The following ZNF385D variants were observed in gnomAD, a reference collection of about 807,000 sequenced individuals.
The protein encoded by ZNF385D is zinc finger protein 659.
In ZNF385D, 15 loss-of-function variants were observed where a neutral mutation model predicts 35.8. The observed-to-expected ratio is 0.42, with a 90% confidence interval of 0.28 to 0.64. ZNF385D has a LOEUF of 0.64. Among genes scored for constraint, ZNF385D ranks in the 30% least tolerant of loss-of-function variants. The pLI, the probability that ZNF385D is intolerant of heterozygous loss-of-function variation, is 0.23. For synonymous variants in ZNF385D, 212 were observed against 186.8 expected (o/e 1.13, Z -1.10); for missense variants, 474 against 494.6 (o/e 0.96, Z 0.39).
intron 2 of ZNF385D, among the ~76,000 whole-genome samples, chr3:22,302,785 G>T (rs1056884481): frequency 1.3e-5 from 2 of 151,822 alleles, no homozygotes; most frequent in Non-Finnish European, 2.9e-5. Flanking sequence ...ACTTTGAAAG[G>T]CCTCACATGT....
rs1163437946 is a variant in ZNF385D at position 21,539,031 on chromosome 3, GTC to G, written c.276+25541_276+25542del. Among the ~76,000 whole-genome samples the G allele has an allele frequency of 6.6e-6, 1 of 152,066 alleles. No individual in the cohort carries two copies. Among genetic ancestry groups the G allele is most frequent in the African/African-American group, 2.4e-5 (1 of 41,418 alleles). ...TTCCTTGTGGTAAACCATTTGACTA[GTC>G]TCTCTGGTCTGAGAAGAGATGAACT... On this transcript the variant is annotated intron_variant, in intron 3 of 7. Transcript: ENST00000281523. This position sits in a 1 kb window ranked among gnomAD's most constrained non-coding sequence, Gnocchi z 4.0.
At chr3:21,780,330 T>C (rs772237747) in intron 3 of ZNF385D, among the ~76,000 whole-genome samples, 2 of 151,944 alleles carry the variant, frequency 1.3e-5, no homozygotes, top group African/African-American at 2.4e-5. Context: ...ATGTAGGGCA[T>C]ACTATCATTG....
intron 1 of ZNF385D, among the ~76,000 whole-genome samples, chr3:21,679,962 T>C (rs9878770): frequency 0.015 from 2,226 of 152,170 alleles, 59 homozygotes; most frequent in African/African-American, 0.05. Flanking sequence ...GACAAAATAT[T>C]GTATGAGAGA....
intron 3 of ZNF385D, among the ~76,000 whole-genome samples, chr3:22,113,787 C>G (rs750609186): frequency 1.3e-5 from 2 of 152,018 alleles, no homozygotes; most frequent in Non-Finnish European, 2.9e-5. Context: ...GATAAAGTCT[C>G]TTCTGCTAAA....
chr3:22,118,214 G>A (rs1398160257), intron 3 of ZNF385D, among the ~76,000 whole-genome samples: 1 of 151,988 alleles, frequency 6.6e-6, no homozygotes, highest in Non-Finnish European at 1.5e-5. Flanking sequence ...AAATCCCATT[G>A]TTCTAAAGTA....
chr3:21,978,491 G>A (rs1204144557), intron 3 of ZNF385D, among the ~76,000 whole-genome samples: 1 of 152,192 alleles, frequency 6.6e-6, no homozygotes, highest in Non-Finnish European at 1.5e-5. Flanking sequence ...ATTAGGATGT[G>A]GGTGTTCTGG....
At chr3:21,888,236 TATAAA>T (rs1363052680) in intron 3 of ZNF385D, among the ~76,000 whole-genome samples, 1 of 152,210 alleles carries the variant, frequency 6.6e-6, no homozygotes, top group Non-Finnish European at 1.5e-5. Context: ...ATGTGGAACT[TATAAA>T]AGTAAGCTAG....
chr3:22,010,680 G>T (rs369036246), intron 3 of ZNF385D, among the ~76,000 whole-genome samples: 6 of 152,236 alleles, frequency 3.9e-5, no homozygotes, highest in African/African-American at 1.4e-4. Flanking sequence ...GGGCCAAAAT[G>T]GATCCCAGAC....
At chr3:21,440,640 T>C (rs771486669) in intron 4 of ZNF385D, among the ~76,000 whole-genome samples, 1 of 152,162 alleles carries the variant, frequency 6.6e-6, no homozygotes, top group Non-Finnish European at 1.5e-5. Context: ...ACAACATTAA[T>C]GTGAGATGTT....
chr3:21,517,843 A>G (rs1169666960), intron 3 of ZNF385D, among the ~76,000 whole-genome samples: 1 of 152,168 alleles, frequency 6.6e-6, no homozygotes, highest in African/African-American at 2.4e-5. Context: ...TTTGATTATC[A>G]ACTCTCAGCT....
chr3:22,163,189 G>A (rs148006383), intron 3 of ZNF385D, among the ~76,000 whole-genome samples: 1 of 152,088 alleles, frequency 6.6e-6, no homozygotes, highest in Non-Finnish European at 1.5e-5. Flanking sequence ...TGCTTGTGGA[G>A]GAATTTAGCA....
At chr3:21,786,856 A>G (rs944736044) in intron 3 of ZNF385D, among the ~76,000 whole-genome samples, 1 of 152,192 alleles carries the variant, frequency 6.6e-6, no homozygotes, top group Non-Finnish European at 1.5e-5. Flanking sequence ...TAAGTGTCCA[A>G]ATATACTTTC....
At chr3:22,238,314 T>A (rs1576545381) in intron 2 of ZNF385D, among the ~76,000 whole-genome samples, 1 of 151,126 alleles carries the variant, frequency 6.6e-6, no homozygotes, top group Admixed American at 6.6e-5. Flanking sequence ...CATTTCCATA[T>A]GAATTTTAAG....
intron 3 of ZNF385D, among the ~76,000 whole-genome samples, chr3:22,042,148 C>G (rs1698704306): frequency 6.6e-6 from 1 of 152,052 alleles, no homozygotes; most frequent in South Asian, 2.1e-4. Context: ...GCTTGGAATT[C>G]AAGGAATCCT....
chr3:21,977,143 T>A (rs1703679338), intron 3 of ZNF385D, among the ~76,000 whole-genome samples: 1 of 152,176 alleles, frequency 6.6e-6, no homozygotes, highest in Non-Finnish European at 1.5e-5. Flanking sequence ...AATCTATGAC[T>A]CTAATTAGAG....
At chr3:21,713,449 G>T (rs575427071) in intron 1 of ZNF385D, among the ~76,000 whole-genome samples, 1 of 152,054 alleles carries the variant, frequency 6.6e-6, no homozygotes, top group Admixed American at 6.6e-5. Flanking sequence ...GGGCATAGAG[G>T]TGGGGTATAC....
intron 2 of ZNF385D, among the ~76,000 whole-genome samples, chr3:21,577,443 T>A (rs999121755): frequency 5.3e-5 from 8 of 152,234 alleles, no homozygotes; most frequent in Non-Finnish European, 7.3e-5. Flanking sequence ...GTATCTTAGC[T>A]ATTGTGCATA....
intron 3 of ZNF385D, among the ~76,000 whole-genome samples, chr3:22,085,661 G>C (rs1344062982): frequency 6.6e-6 from 1 of 152,072 alleles, no homozygotes; most frequent in Admixed American, 6.6e-5. Context: ...AGAGGAGCTG[G>C]TACCATTTCT....
intron 3 of ZNF385D, among the ~76,000 whole-genome samples, chr3:21,863,625 G>A (rs189614187): frequency 2.6e-5 from 4 of 151,980 alleles, no homozygotes; most frequent in South Asian, 2.1e-4. Flanking sequence ...TGAGAGAGAA[G>A]ATAAGAAACT....
Sources: gnomAD v4.1 joint callset for allele counts (sites outside exome capture counted in the v4.1 genomes callset) on GRCh38, gnomAD v4.1.1 for gene constraint, Gnocchi (gnomAD v3.1) non-coding constraint, MANE v1.5 for transcripts, NCBI Gene and HGNC (gene_info 2026-07-23, HGNC 2026-07-21) for gene names.